The following ARMC10 variants were observed in gnomAD, a reference collection of about 807,000 sequenced individuals.
ARMC10 encodes armadillo repeat-containing protein 10.
Under a neutral mutation model 30.2 loss-of-function variants are expected in ARMC10, and 23 were observed. The ratio of observed to expected loss-of-function variants is 0.76; its 90% CI spans 0.55 to 1.08. ARMC10 has a LOEUF of 1.08. Ranked by LOEUF, ARMC10 falls within the 50% of genes least tolerant of loss-of-function variation. ARMC10 has a pLI of 0.00. For missense variants in ARMC10, 303 were observed against 413.7 expected, an observed-to-expected ratio of 0.73 and a Z score of 2.32; for synonymous variants, 111 against 164.4, an observed-to-expected ratio of 0.68 and a Z score of 2.48.
rs188325421 is a variant in ARMC10, at chr7:103,077,676, A to C, written c.244+1795A>C. ...AATTAAGTTTCGACATGAGTTTCGC[A>C]GGAGACATTCAAATCATAGCATTTA... On this transcript the variant is annotated intron_variant, in intron 2 of 6. Transcript: ENST00000323716. Among the ~76,000 whole-genome samples, 1,112 of 152,324 alleles carry C rather than the reference A, an allele frequency of 7.3e-3. 10 individuals are homozygous for C. The highest frequency in any genetic ancestry group is 0.025 in the African/African-American group (1,050 of 41,556).
At chr7:103,076,298 T>TC (rs1171386374) in intron 2 of ARMC10, among the ~76,000 whole-genome samples, 2 of 152,240 alleles carry the variant, frequency 1.3e-5, no homozygotes, top group Non-Finnish European at 2.9e-5. Context: ...ATGTAGTTTA[T>TC]CCTGAATTTA....
intron 6 of ARMC10, among the ~76,000 whole-genome samples, chr7:103,097,773 A>G (rs1801876064): frequency 6.6e-6 from 1 of 152,192 alleles, no homozygotes; most frequent in South Asian, 2.1e-4. Context: ...AGTCTAGTGG[A>G]GAGACAAAAA....
intron 5 of ARMC10, 90 bp from the exon 6 acceptor site, chr7:103,097,187 T>C: frequency 9.0e-7 from 1 of 1,111,028 alleles, no homozygotes; most frequent in Admixed American, 1.7e-5. Context: ...GGCAGGACTT[T>C]AACAGGAAGA....
chr7:103,086,096 CTT>C (rs1800826478), intron 3 of ARMC10, among the ~76,000 whole-genome samples: 1 of 152,198 alleles, frequency 6.6e-6, no homozygotes. Flanking sequence ...CATGCTTACT[CTT>C]GTTATACTCA....
intron 4 of ARMC10, 87 bp downstream of exon 4, chr7:103,086,851 T>C: frequency 6.4e-7 from 1 of 1,555,704 alleles, no homozygotes; most frequent in Non-Finnish European, 8.7e-7. Flanking sequence ...TAGTAGACTA[T>C]CCTTTGTAAT....
In ARMC10 at chr7:103,075,423, G is replaced by C. The variant is rs768681814; in HGVS notation, c.139+12G>C. On this transcript the variant is annotated intron_variant, in intron 1 of 6. Coordinates refer to ENST00000323716, the MANE Select transcript of ARMC10 (RefSeq NM_031905.5). ...TTCGAAGTCCGCAGGTGGGACCCCG[G>C]GGTTTCCGGCAGGTGGGCGGGGACT... 3 of 1,290,148 alleles carry C rather than the reference G, an allele frequency of 2.3e-6. No homozygotes were observed. The highest frequency in any genetic ancestry group is 3.0e-6 in the Non-Finnish European group (3 of 1,016,498). The allele number at this position is 1,290,148 out of a possible 1,614,324, so 79.9% of individuals were successfully genotyped here.
At chr7:103,081,398 T>C (rs1242828017) in intron 2 of ARMC10, among the ~76,000 whole-genome samples, 2 of 152,156 alleles carry the variant, frequency 1.3e-5, no homozygotes, top group Admixed American at 6.5e-5. Flanking sequence ...AAAAACAAGG[T>C]TTCATTACTG....
chr7:103,082,009 T>G, intron 2 of ARMC10: 1 of 422,756 alleles, frequency 2.4e-6, no homozygotes, highest in African/African-American at 2.1e-5. Context: ...CTGGCTTCAG[T>G]TTCTTCCTGT....
At chr7:103,082,871 T>C (rs1049747817) in intron 2 of ARMC10, among the ~76,000 whole-genome samples, 1 of 152,230 alleles carries the variant, frequency 6.6e-6, no homozygotes, top group African/African-American at 2.4e-5. Flanking sequence ...TTCTTCAAAA[T>C]GTCAGGTTTT....
At chr7:103,079,754 G>A (rs1476595759) in intron 2 of ARMC10, among the ~76,000 whole-genome samples, 1 of 152,030 alleles carries the variant, frequency 6.6e-6, no homozygotes, top group African/African-American at 2.4e-5. Flanking sequence ...AATTTTAATT[G>A]AAAATATTTT....
intron 4 of ARMC10, among the ~76,000 whole-genome samples, chr7:103,091,488 TTATATATA>T (rs71110812): frequency 0.058 from 1,672 of 29,066 alleles, 36 homozygotes; most frequent in African/African-American, 0.06. Context: ...AAGGGGTGAA[TTATATATA>T]TATATATATA....
At chr7:103,094,577 G>A (rs541126639) in intron 5 of ARMC10, among the ~76,000 whole-genome samples, 10 of 152,128 alleles carry the variant, frequency 6.6e-5, no homozygotes, top group East Asian at 1.9e-4. Context: ...GGCTTATTTC[G>A]TAAGTTCAGG....
At position 103,098,354 on chromosome 7, in the gene ARMC10, T is replaced by C. The variant is rs1461733590; in HGVS notation, c.833T>C (p.Leu278Pro). Reference protein sequence around the residue: ...YDSHVAKEILLRVLTLFQNIK... With the variant: ...YDSHVAKEILPRVLTLFQNIK... ...AGCCACGTAGCAAAGGAGATTCTTC[T>C]TCGAGTACTTACGCTATTTCAGAAT... The change falls in exon 7 of 7, where the codon CTT becomes CCT. Residue 278 changes from leucine (L) to proline (P), a missense_variant. By Grantham distance (98) the Leu-to-Pro change is moderately conservative. Coordinates refer to ENST00000323716, the MANE Select transcript of ARMC10 (RefSeq NM_031905.5). The C allele has an allele frequency of 6.2e-7, 1 of 1,613,436 alleles. No homozygotes were observed.
At chr7:103,090,831 G>T (rs1211530882) in intron 4 of ARMC10, among the ~76,000 whole-genome samples, 3 of 152,010 alleles carry the variant, frequency 2.0e-5, no homozygotes, top group African/African-American at 7.3e-5. Context: ...GCAGTGAGCT[G>T]TTATCACACC....
At chr7:103,082,515 T>TA (rs924837486) in intron 2 of ARMC10, among the ~76,000 whole-genome samples, 77 of 152,258 alleles carry the variant, frequency 5.1e-4, no homozygotes, top group African/African-American at 1.8e-3. Context: ...ATTTTTTTTT[T>TA]AATAGAGACA....
Position 103,075,155 on chromosome 7 carries a change from A to C in ARMC10, c.-118A>C. ...CTCAGACCCCATTTCCTTTCTCCAC[A>C]TCCAGGTCAGGTGGCGTTTGCTGTG... On this transcript the variant is annotated 5_prime_UTR_variant, in exon 1 of 7. Coordinates refer to ENST00000323716, the MANE Select transcript of ARMC10 (RefSeq NM_031905.5). The C allele has an allele frequency of 4.3e-6, 3 of 700,284 alleles. No homozygotes were observed. The highest frequency in any genetic ancestry group is 1.9e-5 in the African/African-American group (1 of 52,266). 43.4% of individuals were successfully genotyped at this position (700,284 alleles called of 1,614,324 possible).
At chr7:103,089,268 AT>A in intron 4 of ARMC10, 1 of 231,634 alleles carries the variant, frequency 4.3e-6, no homozygotes. Context: ...CAATGGCAGC[AT>A]TTTGTTTAAA....
intron 4 of ARMC10, chr7:103,089,682 G>C (rs955122398): frequency 2.6e-5 from 4 of 152,206 alleles, no homozygotes; most frequent in Admixed American, 6.5e-5. Flanking sequence ...ACTGAAGGAG[G>C]CTGGCCAGGC....
chr7:103,081,762 C>G (rs933702985), intron 2 of ARMC10: 1 of 372,470 alleles, frequency 2.7e-6, no homozygotes, highest in Non-Finnish European at 5.4e-6. Flanking sequence ...AAATTTATCA[C>G]ATTTCTGCCA....
Sources: gnomAD v4.1 joint callset for allele counts (sites outside exome capture counted in the v4.1 genomes callset) on GRCh38, gnomAD v4.1.1 for gene constraint, MANE v1.5 for transcripts, NCBI Gene and HGNC (gene_info 2026-07-23, HGNC 2026-07-21) for gene names.